ENO4: variants seen among roughly 807,000 people sequenced by gnomAD.
ENO4 encodes the protein 2-phospho-D-glycerate hydro-lyase.
A neutral mutation model predicts 63.2 loss-of-function variants in ENO4; 53 were observed. The observed-to-expected ratio is 0.84, with a 90% confidence interval of 0.67 to 1.05. The LOEUF is 1.05. Ranked by LOEUF, ENO4 falls within the 50% of genes least tolerant of loss-of-function variation. ENO4 has a pLI of 0.00. For missense variants in ENO4, 719 were observed against 772.0 expected (o/e 0.93, Z 0.81); for synonymous variants, 266 against 283.8 (o/e 0.94, Z 0.63).
chr10:116,894,287 T>C lies in ENO4; in HGVS notation c.1194+14301T>C, dbSNP rs189885387. 1.8e-3 allele frequency among the ~76,000 whole-genome samples: 276 copies of C among 152,294 alleles called. 1 individual carries two copies. The highest frequency in any genetic ancestry group is 3.5e-3 in the Non-Finnish European group (239 of 68,028). On this transcript the variant is annotated intron_variant, in intron 10 of 10. Transcript: ENST00000369207. ...AATTAAATGCAAATTAAAATAAAAA[T>C]GGTTTCACTGGAAATGAACATTTTC...
At chr10:116,885,060 T>A (rs1431037951), downstream of ENO4, 1 of 152,550 alleles carries the variant, frequency 6.6e-6, no homozygotes, top group East Asian at 1.9e-4. Flanking sequence ...TATCTCCAAA[T>A]TTAGGAAGTA....
downstream of ENO4, chr10:116,886,577 AAG>A (rs1177803571): frequency 1.4e-5 from 23 of 1,613,286 alleles, no homozygotes; most frequent in Non-Finnish European, 1.9e-5. Flanking sequence ...CTATGAGATG[AAG>A]AGTTAGACAA....
chr10:116,868,021 A>G (rs1373065519), intron 7 of ENO4, among the ~76,000 whole-genome samples: 1 of 152,134 alleles, frequency 6.6e-6, no homozygotes, highest in African/African-American at 2.4e-5. Flanking sequence ...GCATCCTTTA[A>G]AAGATTAGAT....
intron 10 of ENO4, chr10:116,906,866 G>C (rs1847989562): frequency 5.0e-6 from 4 of 796,344 alleles, no homozygotes; most frequent in African/African-American, 1.8e-5. Context: ...GAAACAAAAT[G>C]AATTTGCTAT....
At chr10:116,877,096 T>C (rs1301513510) in intron 11 of ENO4, among the ~76,000 whole-genome samples, 3 of 152,086 alleles carry the variant, frequency 2.0e-5, no homozygotes, top group Non-Finnish European at 4.4e-5. Flanking sequence ...CCGGCTACAA[T>C]GTAGTGTTCA....
Position 116,860,861 on chromosome 10 carries a change from C to T in ENO4, c.702C>T (p.Gly234=). 6.5e-7 allele frequency: 1 copy of T among 1,549,292 alleles called. No individual in the cohort carries two copies. Among genetic ancestry groups the T allele is most frequent in the Non-Finnish European group, 8.7e-7 (1 of 1,146,010 alleles). ...PAEPVEPVLS[G]SMAIGAVSLA... ...AGCCTGTTGAGCCTGTACTCAGTGG[C>T]AGTATGGCCATAGGGGCCGTGTCAC... is the stretch of plus-strand genomic sequence containing the variant. The change falls in exon 5 of 14, where the codon GGC becomes GGT. Residue 234 remains glycine (G), a synonymous_variant. Transcript: ENST00000341276.
rs1174295035 is a variant in ENO4, at chr10:116,858,993, A to G, written c.489A>G (p.Ile163Met). Residue 163 changes from isoleucine (I) to methionine (M), a missense_variant, in exon 4 of 14, where the codon ATA becomes ATG. By Grantham distance (10) the Ile-to-Met change is conservative (BLOSUM62 1). This residue lies in a region of ENO4 where 544 missense variants were observed against 583.6 expected (regional missense o/e 0.93). Coordinates refer to ENST00000341276, the MANE Select transcript of ENO4 (RefSeq NM_001242699.2). ...GCCATATTTTCTTGCTATTAAGGATATTCTTCGCAAGTAAAGTACAAGAAG... is the reference window on the plus strand; with the variant it reads ...GCCATATTTTCTTGCTATTAAGGATGTTCTTCGCAAGTAAAGTACAAGAAG... ...DQAEVDHLLR[I>M]FFASKVQEDK... 6.5e-7 allele frequency: 1 copy of G among 1,532,096 alleles called. No individual in the cohort carries two copies. Among genetic ancestry groups the G allele is most frequent in the African/African-American group, 1.4e-5 (1 of 72,960 alleles). 94.9% of individuals were successfully genotyped at this position (1,532,096 alleles called of 1,614,324 possible). A position where few individuals can be genotyped will look rare whatever the true frequency, so the allele number is the denominator to read the frequency against.
chr10:116,887,740 G>C (rs1847211495), intron 10 of ENO4, among the ~76,000 whole-genome samples: 2 of 152,178 alleles, frequency 1.3e-5, no homozygotes, highest in South Asian at 4.1e-4. Context: ...GGACTGTTTA[G>C]CTTTACTCAC....
intron 7 of ENO4, 122 bp from the exon 8 acceptor site, chr10:116,868,524 CGTGT>C (rs1470747560): frequency 2.6e-6 from 2 of 763,488 alleles, no homozygotes; most frequent in African/African-American, 1.7e-5. Context: ...CGTGTGTGTG[CGTGT>C]ATGTGTGCAC....
chr10:116,880,785 T>G (rs1186823089), intron 13 of ENO4, among the ~76,000 whole-genome samples: 1 of 152,218 alleles, frequency 6.6e-6, no homozygotes, highest in Non-Finnish European at 1.5e-5. Flanking sequence ...AAAATTATAC[T>G]GTTCCACATA....
intron 9 of ENO4, chr10:116,873,834 G>A (rs1846762010): frequency 1.0e-6 from 1 of 982,540 alleles, no homozygotes; most frequent in African/African-American, 1.7e-5. Flanking sequence ...GTAGGAAGCT[G>A]CATCTGAAGT....
chr10:116,908,311 T>TA (rs1234247897), intron 10 of ENO4, among the ~76,000 whole-genome samples: 2 of 152,236 alleles, frequency 1.3e-5, no homozygotes, highest in African/African-American at 4.8e-5. Context: ...TTAAAAGGAC[T>TA]ATCACATCAC....
Position 116,869,265 on chromosome 10 carries a change from CGTT to C in ENO4, c.1047+561_1047+563del, listed in dbSNP as rs1846627449. Among the ~76,000 whole-genome samples, 5 of 152,254 alleles carry C rather than the reference CGTT, an allele frequency of 3.3e-5. 2 individuals carry two copies. The highest frequency in any genetic ancestry group is 1.2e-4 in the African/African-American group (5 of 41,562). Reference sequence around the variant, plus strand: ...CCAGCTGAACTTGATCTGTCAGTCACGTTGGTGATTGTGAGTGCGCTGATAGAT... The same window carrying C: ...CCAGCTGAACTTGATCTGTCAGTCACGGTGATTGTGAGTGCGCTGATAGAT... On this transcript the variant is annotated intron_variant, in intron 8 of 13. Coordinates refer to ENST00000341276, the MANE Select transcript of ENO4 (RefSeq NM_001242699.2).
At chr10:116,907,850 C>T in intron 10 of ENO4, 1 of 515,692 alleles carries the variant, frequency 1.9e-6, no homozygotes, top group South Asian at 1.4e-5. Context: ...AATAATCTTG[C>T]CAGCCTTTGT....
intron 3 of ENO4, among the ~76,000 whole-genome samples, chr10:116,858,761 G>A (rs1846336936): frequency 1.3e-5 from 2 of 152,168 alleles, no homozygotes; most frequent in African/African-American, 4.8e-5. Flanking sequence ...ATGAGCACCT[G>A]AAATCTTTAA....
chr10:116,863,625 A>C (rs561677550), intron 7 of ENO4, among the ~76,000 whole-genome samples: 3 of 152,334 alleles, frequency 2.0e-5, no homozygotes, highest in Non-Finnish European at 4.4e-5. Context: ...ATTAGGAAGC[A>C]GTAGGGCTGA....
chr10:116,857,549 T>C (rs146977057), intron 3 of ENO4, among the ~76,000 whole-genome samples: 4 of 152,364 alleles, frequency 2.6e-5, no homozygotes, highest in East Asian at 1.9e-4. Context: ...AGAAGGTCAA[T>C]TGGATTCTCT....
chr10:116,890,918 C>T (rs1337247676), intron 10 of ENO4, among the ~76,000 whole-genome samples: 1 of 152,222 alleles, frequency 6.6e-6, no homozygotes, highest in Non-Finnish European at 1.5e-5. Context: ...AAAAGGACAT[C>T]GTTTGCATTC....
chr10:116,898,731 C>CT (rs1224155498), intron 10 of ENO4, among the ~76,000 whole-genome samples: 1 of 151,912 alleles, frequency 6.6e-6, no homozygotes, highest in African/African-American at 2.4e-5. Context: ...TCTTTTTCTT[C>CT]TTTTTTCTTA....
Sources: allele counts gnomAD v4.1 joint callset (sites outside exome capture counted in the v4.1 genomes callset), GRCh38; gene constraint gnomAD v4.1.1; regional missense constraint gnomAD v4.1.1; transcripts MANE v1.5; gene names NCBI Gene and HGNC (gene_info 2026-07-23, HGNC 2026-07-21).